NUP210: variants seen among roughly 807,000 people sequenced by gnomAD.
NUP210 encodes nucleoporin 210.
A neutral mutation model predicts 196.0 loss-of-function variants in NUP210; 151 were observed. That is an observed-to-expected ratio of 0.77 (90% CI 0.67 to 0.88). NUP210 has a LOEUF of 0.88. NUP210 is among the 40% of genes least tolerant of loss of function. NUP210 has a pLI of 0.00. For missense variants in NUP210, 2,314 were observed against 2,493.7 expected, an observed-to-expected ratio of 0.93 and a Z score of 1.53; for synonymous variants, 1,070 against 1,052.7, an observed-to-expected ratio of 1.02 and a Z score of -0.32.
At chr3:13,324,218 C>T (rs781320981) in intron 33 of NUP210, among the ~76,000 whole-genome samples, 3 of 151,460 alleles carry the variant, frequency 2.0e-5, no homozygotes, top group African/African-American at 7.3e-5. Flanking sequence ...GACCCCCCAA[C>T]GCTGGCCCTC....
intron 5 of NUP210, among the ~76,000 whole-genome samples, chr3:13,387,133 G>A (rs564665739): frequency 1.3e-5 from 2 of 152,356 alleles, no homozygotes; most frequent in African/African-American, 4.8e-5. Context: ...CTGTGGGTGT[G>A]GGCATTCTAC....
intron 1 of NUP210, among the ~76,000 whole-genome samples, chr3:13,404,934 A>G (rs1376538315): frequency 6.6e-6 from 1 of 152,242 alleles, no homozygotes; most frequent in Admixed American, 6.5e-5. Flanking sequence ...AAACCAACCC[A>G]GGCAAAGAGA....
At chr3:13,403,324 G>A (rs1699901776) in intron 1 of NUP210, among the ~76,000 whole-genome samples, 1 of 152,194 alleles carries the variant, frequency 6.6e-6, no homozygotes, top group Non-Finnish European at 1.5e-5. Context: ...CACTTTCTGG[G>A]TCATGCCTGC....
At chr3:13,361,812 G>A (rs1698381665) in intron 14 of NUP210, among the ~76,000 whole-genome samples, 1 of 152,158 alleles carries the variant, frequency 6.6e-6, no homozygotes, top group African/African-American at 2.4e-5. Flanking sequence ...CCTGGGACTT[G>A]GGCTCTCTCA....
At position 13,317,713 on chromosome 3, in the gene NUP210, C is replaced by T; in HGVS notation, c.5632G>A (p.Gly1878Arg). 1.2e-6 allele frequency: 2 copies of T among 1,611,352 alleles called. No individual in the cohort carries two copies. The highest frequency in any genetic ancestry group is 1.1e-5 in the South Asian group (1 of 90,266). The change falls in exon 40 of 40, where the codon GGG (glycine) becomes AGG (arginine). Residue 1878 changes from glycine to arginine, a missense_variant. Gly to Arg is a moderately radical substitution (Grantham distance 125). Coordinates refer to ENST00000254508, the MANE Select transcript of NUP210 (RefSeq NM_024923.4). ...PPARKASPPS[G>R]LWSPAYASH ...GAGGCATAGGCTGGGCTCCACAGCCCTGAGGGAGGGCTGGCTTTGCGAGCA... is the reference window on the plus strand; with the variant it reads ...GAGGCATAGGCTGGGCTCCACAGCCTTGAGGGAGGGCTGGCTTTGCGAGCA...
intron 1 of NUP210, among the ~76,000 whole-genome samples, chr3:13,401,259 C>CAAAAAAA (rs71066952): frequency 0.011 from 483 of 43,664 alleles, 52 homozygotes; most frequent in African/African-American, 0.032. Flanking sequence ...GACTCTGGCT[C>CAAAAAAA]AAAAAAAAAA....
At chr3:13,344,622 A>G (rs1020866158) in intron 20 of NUP210, among the ~76,000 whole-genome samples, 1 of 152,092 alleles carries the variant, frequency 6.6e-6, no homozygotes, top group Non-Finnish European at 1.5e-5. Flanking sequence ...CCCAACATCA[A>G]CCCCTCAACA....
chr3:13,328,722 G>C (rs765521815), intron 31 of NUP210, 49 bp downstream of exon 31: 5 of 1,533,244 alleles, frequency 3.3e-6, no homozygotes. Context: ...GTCTCTACCA[G>C]GTACCAGACA....
intron 1 of NUP210, among the ~76,000 whole-genome samples, chr3:13,410,162 A>C (rs949106330): frequency 2.7e-4 from 40 of 148,878 alleles, no homozygotes; most frequent in African/African-American, 9.9e-4. Flanking sequence ...GTGCCCAGCT[A>C]TTACTGATTT....
chr3:13,415,393 AC>A (rs1397900581), intron 1 of NUP210, among the ~76,000 whole-genome samples: 1 of 152,044 alleles, frequency 6.6e-6, no homozygotes, highest in Non-Finnish European at 1.5e-5. Flanking sequence ...TGGTTTCTCC[AC>A]CCCACTTTCT....
rs141026514 is a variant in NUP210, at chr3:13,386,364, A to T, written c.728T>A (p.Ile243Asn). The change falls in exon 6 of 40, where the codon ATC becomes AAC. Residue 243 changes from isoleucine to asparagine, a missense_variant. Ile to Asn is a moderately radical substitution (Grantham distance 149, BLOSUM62 -3). Coordinates refer to ENST00000254508, the MANE Select transcript of NUP210 (RefSeq NM_024923.4). ...AEVRLLILEN[I>N]LLNPAYDVYL... ...GACGTCATAGGCCGGGTTCAGAAGG[A>T]TGTTTTCCAAAATCAGCAGCCTGAC... 3 of 1,614,060 alleles carry T rather than the reference A, an allele frequency of 1.9e-6. No individual in the cohort carries two copies. In the African/African-American group the frequency reaches 4.0e-5, roughly 22 times the overall value.
chr3:13,329,998 G>A (rs567448322), intron 30 of NUP210, among the ~76,000 whole-genome samples: 116 of 152,324 alleles, frequency 7.6e-4, no homozygotes, highest in African/African-American at 2.7e-3. Flanking sequence ...TGGATGTCAC[G>A]TACTGGATGT....
rs1322599028 is a variant in NUP210 at position 13,341,943 on chromosome 3, T to C, written c.3092+53A>G. ...ACCACCCCGTGGGAAAGGCTGCAGC[T>C]GGGGTCAGCACTGTCTCTGAGGTGC... On this transcript the variant is annotated intron_variant, in intron 22 of 39. Transcript: ENST00000254508. 4 of 1,613,286 alleles carry C rather than the reference T, an allele frequency of 2.5e-6. No individual in the cohort carries two copies. In the South Asian group the frequency reaches 3.3e-5, roughly 13 times the overall value.
intron 19 of NUP210, 37 bp from the exon 20 acceptor site, chr3:13,352,017 G>A: frequency 1.9e-6 from 3 of 1,603,920 alleles, no homozygotes; most frequent in Non-Finnish European, 2.6e-6. Flanking sequence ...TGGGCCGCAT[G>A]TGGGAGGGCG....
At chr3:13,346,341 C>T (rs1280203743) in intron 20 of NUP210, among the ~76,000 whole-genome samples, 2 of 152,258 alleles carry the variant, frequency 1.3e-5, no homozygotes, top group Non-Finnish European at 2.9e-5. Context: ...ATGCAGCTCA[C>T]ACCACACAGC....
intron 1 of NUP210, 92 bp from the exon 2 acceptor site, chr3:13,399,953 G>A (rs1256554676): frequency 9.7e-6 from 14 of 1,443,504 alleles, no homozygotes; most frequent in Middle Eastern, 2.6e-4. Flanking sequence ...CGTCTAGGGC[G>A]CAGTCCTGGA....
intron 23 of NUP210, 124 bp downstream of exon 23, chr3:13,341,624 G>C: frequency 8.9e-7 from 1 of 1,125,670 alleles, no homozygotes; most frequent in Middle Eastern, 3.0e-4. Context: ...TTGATGAGAG[G>C]ACATTGTGGG....
chr3:13,411,765 A>T (rs576740323), intron 1 of NUP210, among the ~76,000 whole-genome samples: 1 of 152,288 alleles, frequency 6.6e-6, no homozygotes, highest in South Asian at 2.1e-4. Flanking sequence ...TATTTGAGAC[A>T]GTTTCACTCT....
intron 20 of NUP210, among the ~76,000 whole-genome samples, chr3:13,344,373 G>A (rs908288429): frequency 6.6e-6 from 1 of 152,200 alleles, no homozygotes; most frequent in African/African-American, 2.4e-5. Context: ...GTAGGGACAG[G>A]CCATGAGGCG....
Sources: allele counts gnomAD v4.1 joint callset (sites outside exome capture counted in the v4.1 genomes callset), GRCh38; gene constraint gnomAD v4.1.1; transcripts MANE v1.5; gene names NCBI Gene and HGNC (gene_info 2026-07-23, HGNC 2026-07-21).